The following RBFOX1 variants were observed in gnomAD, a reference collection of about 807,000 sequenced individuals.
The protein encoded by RBFOX1 is RNA binding protein fox-1 homolog 1.
In RBFOX1, 8 loss-of-function variants were observed where a neutral mutation model predicts 57.7. That is an observed-to-expected ratio of 0.14 (90% CI 0.08 to 0.25). The LOEUF (loss-of-function observed/expected upper bound fraction) is 0.25, where lower values mean the gene tolerates loss of function less well. Among genes scored for constraint, RBFOX1 ranks in the 10% least tolerant of loss-of-function variants. The probability of loss-of-function intolerance (pLI) is 1.00; values close to 1 mark genes in which losing one functional copy is unlikely to be tolerated. For synonymous variants in RBFOX1, 326 were observed against 222.4 expected (o/e 1.47, Z -4.15); for missense variants, 611 against 548.5 (o/e 1.11, Z -1.14).
chr16:6,439,381 C>G (rs567275331), intron 2 of RBFOX1, among the ~76,000 whole-genome samples: 1 of 152,202 alleles, frequency 6.6e-6, no homozygotes, highest in Non-Finnish European at 1.5e-5. Context: ...TTAACGTGCT[C>G]TGAGTTCAGC....
At chr16:6,729,212 A>G (rs1179979938) in intron 3 of RBFOX1, among the ~76,000 whole-genome samples, 1 of 152,226 alleles carries the variant, frequency 6.6e-6, no homozygotes, top group East Asian at 1.9e-4. Context: ...ATATATGATT[A>G]TATGTATATA....
chr16:5,709,291 C>T (rs1190904207), intron 3 of RBFOX1, among the ~76,000 whole-genome samples: 1 of 152,132 alleles, frequency 6.6e-6, no homozygotes, highest in Non-Finnish European at 1.5e-5. Flanking sequence ...ATCAGGAATT[C>T]CACAAAGCTC....
chr16:5,685,832 G>A (rs774166585), intron 3 of RBFOX1, among the ~76,000 whole-genome samples: 37 of 152,162 alleles, frequency 2.4e-4, no homozygotes, highest in Admixed American at 2.2e-3. Flanking sequence ...CTAGTACATA[G>A]CAATTTCACC....
At chr16:7,478,505 G>C (rs191120669) in intron 4 of RBFOX1, among the ~76,000 whole-genome samples, 14 of 152,202 alleles carry the variant, frequency 9.2e-5, no homozygotes, top group Non-Finnish European at 1.3e-4. Flanking sequence ...AGGCTAGAGA[G>C]GGGGAGTCCC....
chr16:5,434,012 G>T (rs1956129911), intron 1 of RBFOX1, among the ~76,000 whole-genome samples: 1 of 151,874 alleles, frequency 6.6e-6, no homozygotes, highest in Non-Finnish European at 1.5e-5. Context: ...GTCCTATCCA[G>T]TCTGAATTTT....
At chr16:6,666,193 C>T (rs569156277) in intron 3 of RBFOX1, among the ~76,000 whole-genome samples, 42 of 152,258 alleles carry the variant, frequency 2.8e-4, no homozygotes, top group South Asian at 2.5e-3. Flanking sequence ...GTCTCAGGTA[C>T]ATCTGTATCA....
At chr16:6,238,985 G>A (rs900729368) in intron 1 of RBFOX1, among the ~76,000 whole-genome samples, 1 of 151,918 alleles carries the variant, frequency 6.6e-6, no homozygotes, top group Non-Finnish European at 1.5e-5. Flanking sequence ...TAAGGTAGTA[G>A]GTCTTATTCA....
chr16:6,206,843 C>T (rs571466267), intron 1 of RBFOX1, among the ~76,000 whole-genome samples: 9 of 152,224 alleles, frequency 5.9e-5, no homozygotes, highest in East Asian at 1.9e-4. Flanking sequence ...TGTAATCCTT[C>T]GCTATTTTAT....
At chr16:6,913,503 C>T (rs1222181727) in intron 3 of RBFOX1, among the ~76,000 whole-genome samples, 2 of 152,266 alleles carry the variant, frequency 1.3e-5, no homozygotes, top group East Asian at 1.9e-4. Flanking sequence ...CCCTCGGCCC[C>T]ATCATCTGCA....
intron 2 of RBFOX1, among the ~76,000 whole-genome samples, chr16:6,573,268 A>C (rs570838169): frequency 6.6e-6 from 1 of 152,086 alleles, no homozygotes; most frequent in East Asian, 1.9e-4. Context: ...ACTGCCACAA[A>C]CACGCCTCAC....
intron 4 of RBFOX1, among the ~76,000 whole-genome samples, chr16:7,439,025 C>T (rs1847571765): frequency 6.6e-6 from 1 of 152,174 alleles, no homozygotes; most frequent in Admixed American, 6.5e-5. Context: ...GAGCAGAGTT[C>T]AGCGGAAACC....
intron 1 of RBFOX1, among the ~76,000 whole-genome samples, chr16:6,060,813 A>G (rs952305764): frequency 2.0e-5 from 3 of 152,228 alleles, no homozygotes; most frequent in Non-Finnish European, 4.4e-5. Context: ...GGAAGGGAAC[A>G]TCTACAGGAG....
intron 4 of RBFOX1, among the ~76,000 whole-genome samples, chr16:7,336,702 A>C (rs2096795047): frequency 1.3e-5 from 2 of 152,206 alleles, no homozygotes; most frequent in Admixed American, 1.3e-4. Flanking sequence ...CTAAACACTT[A>C]GATTTAGGAT....
At chr16:6,441,965 G>C (rs1052528512) in intron 2 of RBFOX1, among the ~76,000 whole-genome samples, 2 of 152,094 alleles carry the variant, frequency 1.3e-5, no homozygotes, top group African/African-American at 4.8e-5. Context: ...AAGATATTAT[G>C]GAATGACAAT....
chr16:7,685,405 A>C (rs1029102645), intron 14 of RBFOX1, among the ~76,000 whole-genome samples: 2 of 152,104 alleles, frequency 1.3e-5, no homozygotes. Flanking sequence ...AGATCCGTGG[A>C]CGGAAACAGT....
intron 4 of RBFOX1, among the ~76,000 whole-genome samples, chr16:7,320,260 G>C (rs2096522743): frequency 6.6e-6 from 1 of 151,932 alleles, no homozygotes; most frequent in South Asian, 2.1e-4. Flanking sequence ...CCCAGTGTGT[G>C]TTGTTTCCCT....
Position 7,368,643 on chromosome 16 carries a change from G to T in RBFOX1, c.28-149504G>T, listed in dbSNP as rs534253539. ...AATACAAAAAAAATTAGCCAGGCGT[G>T]GTGGCGGGCACCTGTAGTCCCAGCT... is the stretch of plus-strand genomic sequence containing the variant. On this transcript the variant is annotated intron_variant, in intron 4 of 15. Coordinates refer to ENST00000550418, the MANE Select transcript of RBFOX1 (RefSeq NM_018723.4). 9.9e-5 allele frequency among the ~76,000 whole-genome samples: 15 copies of T among 152,044 alleles called. No homozygotes were observed. In the South Asian group the frequency reaches 3.1e-3, roughly 32 times the overall value.
At chr16:6,782,000 C>A (rs911126658) in intron 3 of RBFOX1, among the ~76,000 whole-genome samples, 1 of 151,888 alleles carries the variant, frequency 6.6e-6, no homozygotes, top group East Asian at 1.9e-4. Flanking sequence ...TTTTTTGTTG[C>A]TGCTGTTGTT....
chr16:7,270,949 G>C (rs150245979), intron 4 of RBFOX1, among the ~76,000 whole-genome samples: 11 of 152,264 alleles, frequency 7.2e-5, no homozygotes, highest in Admixed American at 1.3e-4. Flanking sequence ...GGGTTACGGT[G>C]GGGCTGGGTG....
Sources: allele counts gnomAD v4.1 joint callset (sites outside exome capture counted in the v4.1 genomes callset), GRCh38; gene constraint gnomAD v4.1.1; transcripts MANE v1.5; gene names NCBI Gene and HGNC (gene_info 2026-07-23, HGNC 2026-07-21).